The following CDH12 variants were observed in gnomAD, a reference collection of about 807,000 sequenced individuals.
The protein encoded by CDH12 is cadherin-12.
Under a neutral mutation model 74.1 loss-of-function variants are expected in CDH12, and 41 were observed. The observed-to-expected ratio is 0.55, with a 90% CI of 0.43 to 0.72. The LOEUF (loss-of-function observed/expected upper bound fraction) is 0.72. Among genes scored for constraint, CDH12 ranks in the 30% least tolerant of loss-of-function variants. CDH12 has a pLI of 0.00. For missense variants in CDH12, 945 were observed against 977.2 expected (o/e 0.97, Z 0.44); for synonymous variants, 399 against 355.0 (o/e 1.12, Z -1.39).
At chr5:22,720,861 G>A (rs764427287) in intron 1 of CDH12, among the ~76,000 whole-genome samples, 12 of 152,274 alleles carry the variant, frequency 7.9e-5, no homozygotes, top group Admixed American at 2.6e-4. Flanking sequence ...AGACATCTGC[G>A]GAACTTTGAA....
rs572957319 is a variant in CDH12 at position 22,577,630 on chromosome 5, G to A, written c.-522-72266C>T. 2.6e-5 allele frequency among the ~76,000 whole-genome samples: 4 copies of A among 152,260 alleles called. No individual in the cohort carries two copies. In the East Asian group the frequency reaches 7.7e-4, roughly 29 times the overall value. On this transcript the variant is annotated intron_variant, in intron 1 of 14. Coordinates refer to ENST00000382254, the MANE Select transcript of CDH12 (RefSeq NM_004061.5). ...AATTCAAAGATTATAGGCAGTTAAT[G>A]GAATGGTGAGAATGAGATTGTATCT...
At chr5:22,528,807 C>A (rs904602106) in intron 1 of CDH12, among the ~76,000 whole-genome samples, 1 of 151,898 alleles carries the variant, frequency 6.6e-6, no homozygotes, top group African/African-American at 2.4e-5. Flanking sequence ...ATCTTTATTG[C>A]CAGAGAACAC....
intron 6 of CDH12, among the ~76,000 whole-genome samples, chr5:21,878,391 C>T (rs751096745): frequency 2.6e-5 from 4 of 152,122 alleles, no homozygotes; most frequent in Non-Finnish European, 2.9e-5. Context: ...TCTCCAAATA[C>T]GTTTATTAAT....
intron 2 of CDH12, among the ~76,000 whole-genome samples, chr5:22,452,240 CA>C (rs1341530477): frequency 3.3e-5 from 5 of 151,568 alleles, no homozygotes; most frequent in African/African-American, 7.3e-5. Context: ...TCTATGGAAC[CA>C]CAAAATATCA....
At chr5:21,752,296 C>A (rs1744140084) in intron 14 of CDH12, 60 bp from the exon 15 acceptor site, 3 of 1,472,582 alleles carry the variant, frequency 2.0e-6, no homozygotes, top group Admixed American at 2.3e-5. Flanking sequence ...TTTCATCTCT[C>A]CATAAAAATT....
rs78726992 is a variant in CDH12, at chr5:22,338,460, G to A, written c.-333+66797C>T. ...GAGAGGGTGGTGGGAAACTGGAGAT[G>A]GTTAATGGGTACAAAAAAAAAATAG... On this transcript the variant is annotated intron_variant, in intron 3 of 14. Transcript: ENST00000382254. 2.6e-3 allele frequency among the ~76,000 whole-genome samples: 398 copies of A among 151,984 alleles called. 1 individual carries two copies. The highest frequency in any genetic ancestry group is 9.4e-3 in the African/African-American group (391 of 41,432).
chr5:21,820,925 A>T (rs1453397940), intron 8 of CDH12, among the ~76,000 whole-genome samples: 2 of 152,024 alleles, frequency 1.3e-5, no homozygotes, highest in African/African-American at 4.8e-5. Context: ...AAAACAGGTG[A>T]CAAGAGATTG....
chr5:22,252,258 A>G (rs1465151572), intron 3 of CDH12, among the ~76,000 whole-genome samples: 1 of 152,096 alleles, frequency 6.6e-6, no homozygotes, highest in Non-Finnish European at 1.5e-5. Flanking sequence ...CCAACTTCAA[A>G]AAAAAGTTAG....
At chr5:22,081,418 G>T (rs1049335608) in intron 4 of CDH12, among the ~76,000 whole-genome samples, 1 of 151,488 alleles carries the variant, frequency 6.6e-6, no homozygotes, top group African/African-American at 2.4e-5. Context: ...TAAATTTTTT[G>T]TTTCTTCCAT....
At chr5:22,023,405 T>G (rs981595430) in intron 5 of CDH12, among the ~76,000 whole-genome samples, 4 of 152,200 alleles carry the variant, frequency 2.6e-5, no homozygotes, top group Non-Finnish European at 5.9e-5. Context: ...TAAATAAACA[T>G]GCAAACATGT....
At chr5:21,968,055 T>C (rs1355640404) in intron 6 of CDH12, among the ~76,000 whole-genome samples, 6 of 152,178 alleles carry the variant, frequency 3.9e-5, no homozygotes, top group Non-Finnish European at 1.5e-5. Context: ...TGTTTTTAAA[T>C]AAACTTGGTT....
intron 2 of CDH12, among the ~76,000 whole-genome samples, 185 bp downstream of exon 2, chr5:22,505,085 A>C (rs1736329551): frequency 6.6e-6 from 1 of 152,000 alleles, no homozygotes; most frequent in African/African-American, 2.4e-5. Context: ...TGTAGAAATA[A>C]CTGGTTACTT....
chr5:22,445,701 TG>T (rs1229456824), intron 2 of CDH12, among the ~76,000 whole-genome samples: 1 of 152,102 alleles, frequency 6.6e-6, no homozygotes. Flanking sequence ...AATAAGTGAA[TG>T]GCAGGAAAGT....
intron 1 of CDH12, among the ~76,000 whole-genome samples, chr5:22,831,122 A>G (rs1458742772): frequency 1.3e-5 from 2 of 152,110 alleles, no homozygotes; most frequent in Non-Finnish European, 2.9e-5. Context: ...TCATAGTTTA[A>G]GTTGAGAGAC....
intron 5 of CDH12, among the ~76,000 whole-genome samples, chr5:21,980,842 T>A (rs1757275390): frequency 6.6e-6 from 1 of 152,106 alleles, no homozygotes. Flanking sequence ...AACTTGCTTT[T>A]TAGATGGATT....
chr5:22,325,803 G>A (rs371944566), intron 3 of CDH12, among the ~76,000 whole-genome samples: 2 of 152,236 alleles, frequency 1.3e-5, no homozygotes, highest in East Asian at 3.9e-4. Flanking sequence ...AGCTGCTCGG[G>A]AGGCTGAGGC....
intron 1 of CDH12, among the ~76,000 whole-genome samples, chr5:22,752,540 T>C (rs1023131027): frequency 1.1e-4 from 14 of 131,292 alleles, no homozygotes; most frequent in Non-Finnish European, 2.0e-4. Context: ...GCAGATAGGA[T>C]ACTTCTTTTT....
chr5:22,419,815 G>T (rs533363106), intron 2 of CDH12, among the ~76,000 whole-genome samples: 5 of 152,268 alleles, frequency 3.3e-5, no homozygotes, highest in African/African-American at 1.2e-4. Flanking sequence ...AGCATCTGCT[G>T]TTTCTTGACT....
intron 3 of CDH12, among the ~76,000 whole-genome samples, chr5:22,231,077 T>C (rs974495579): frequency 7.9e-5 from 12 of 152,150 alleles, no homozygotes; most frequent in Admixed American, 6.6e-5. Context: ...ACACTGGCAA[T>C]TGTATTAAAA....
Sources: allele counts gnomAD v4.1 joint callset (sites outside exome capture counted in the v4.1 genomes callset), GRCh38; gene constraint gnomAD v4.1.1; transcripts MANE v1.5; gene names NCBI Gene and HGNC (gene_info 2026-07-23, HGNC 2026-07-21).